Variants in KCTD3 observed in about 807,000 individuals in gnomAD.
KCTD3 encodes the protein potassium channel tetramerization domain containing 3, also known as BTB/POZ domain-containing protein KCTD3.
Under a neutral mutation model 85.8 loss-of-function variants are expected in KCTD3, and 41 were observed. The observed-to-expected ratio is 0.48, with a 90% CI of 0.37 to 0.62. KCTD3 has a LOEUF of 0.62. Ranked by LOEUF, KCTD3 falls within the 20% of genes least tolerant of loss-of-function variation. The pLI is 0.00. For missense variants in KCTD3, 724 were observed against 989.9 expected, an observed-to-expected ratio of 0.73 and a Z score of 3.60; for synonymous variants, 338 against 345.4, an observed-to-expected ratio of 0.98 and a Z score of 0.24.
At chr1:215,576,526 T>C (rs1167094043) in intron 4 of KCTD3, among the ~76,000 whole-genome samples, 3 of 151,996 alleles carry the variant, frequency 2.0e-5, no homozygotes, top group Non-Finnish European at 4.4e-5. Context: ...CAGTGAGTTA[T>C]GATCATGCCT....
At chr1:215,569,332 G>A (rs1659277054) in intron 1 of KCTD3, among the ~76,000 whole-genome samples, 9 of 151,886 alleles carry the variant, frequency 5.9e-5, no homozygotes. Flanking sequence ...CGTTGACCAG[G>A]ATGGTCTTGA....
intron 1 of KCTD3, among the ~76,000 whole-genome samples, chr1:215,571,608 G>T (rs978423526): frequency 6.6e-6 from 1 of 151,788 alleles, no homozygotes; most frequent in African/African-American, 2.4e-5. Flanking sequence ...AAAGTTGTAT[G>T]TGGGAAGAAG....
At chr1:215,569,508 G>T (rs1659283608) in intron 1 of KCTD3, among the ~76,000 whole-genome samples, 1 of 151,906 alleles carries the variant, frequency 6.6e-6, no homozygotes, top group South Asian at 2.1e-4. Context: ...TATGTGGATG[G>T]CTTAATACTG....
intron 10 of KCTD3, among the ~76,000 whole-genome samples, chr1:215,596,403 CATA>C (rs1244051219): frequency 6.6e-6 from 1 of 151,870 alleles, no homozygotes; most frequent in African/African-American, 2.4e-5. Flanking sequence ...ATTTGGAGTC[CATA>C]ATATTTATGT....
chr1:215,609,991 T>A (rs1197098963), intron 14 of KCTD3, among the ~76,000 whole-genome samples: 1 of 151,916 alleles, frequency 6.6e-6, no homozygotes, highest in Non-Finnish European at 1.5e-5. Flanking sequence ...GCATGTGTAT[T>A]GTGAATAAAA....
chr1:215,595,023 T>G (rs1024095915), intron 9 of KCTD3, among the ~76,000 whole-genome samples: 1 of 152,226 alleles, frequency 6.6e-6, no homozygotes, highest in African/African-American at 2.4e-5. Flanking sequence ...GAGTCTGGCA[T>G]GGATCCCAGG....
Position 215,567,392 on chromosome 1 carries a change from G to T in KCTD3, c.-294G>T. 4.9e-6 allele frequency: 1 copy of T among 205,328 alleles called. No individual in the cohort carries two copies. Among genetic ancestry groups the T allele is most frequent in the Non-Finnish European group, 9.6e-6 (1 of 104,022 alleles). The allele number at this position is 205,328 out of a possible 1,614,324, so 12.7% of individuals were successfully genotyped here. A position where few individuals can be genotyped will look rare whatever the true frequency, so the allele number is the denominator to read the frequency against. ...CTCCTCCCAGGCAGGCTGCGGCGGC[G>T]TCGGTGGCAGCGGAGCACGGAGAAG... On this transcript the variant is annotated 5_prime_UTR_variant, in exon 1 of 18. Coordinates refer to ENST00000259154, the MANE Select transcript of KCTD3 (RefSeq NM_016121.5).
intron 13 of KCTD3, among the ~76,000 whole-genome samples, chr1:215,607,261 A>T (rs537802227): frequency 9.0e-4 from 137 of 151,948 alleles, no homozygotes; most frequent in Non-Finnish European, 1.8e-3. Flanking sequence ...ATTTTCTAAA[A>T]TCATAAATGG....
Position 215,621,027 on chromosome 1 carries a change from T to G in KCTD3, c.*409T>G. ...CAATGTTACCTTTAAGTGAATCACA[T>G]AATTGTCTTTGGAACTTGGTCTCCC... On this transcript the variant is annotated 3_prime_UTR_variant, in exon 18 of 18. Coordinates refer to ENST00000259154, the MANE Select transcript of KCTD3 (RefSeq NM_016121.5). The G allele has an allele frequency of 5.6e-6, 1 of 178,046 alleles. No homozygotes were observed. The highest frequency in any genetic ancestry group is 1.2e-5 in the Non-Finnish European group (1 of 85,546). The allele number at this position is 178,046 out of a possible 1,614,324, so 11.0% of individuals were successfully genotyped here.
rs761861112 is a variant in KCTD3, at chr1:215,620,271, A to G, written c.2101A>G (p.Thr701Ala). Residue 701 changes from threonine to alanine, a missense_variant, in exon 18 of 18, where the codon ACA becomes GCA. Coordinates refer to ENST00000259154, the MANE Select transcript of KCTD3 (RefSeq NM_016121.5). ...GPIQAEVKGATGECNISERKS... is the reference protein window; with the variant it reads ...GPIQAEVKGAAGECNISERKS... ...AATACAAGCTGAAGTGAAAGGGGCA[A>G]CAGGGGAATGTAATATATCTGAGAG... The G allele has an allele frequency of 6.2e-7, 1 of 1,613,980 alleles. No individual in the cohort carries two copies. The highest frequency in any genetic ancestry group is 1.7e-5 in the Admixed American group (1 of 59,998).
intron 10 of KCTD3, among the ~76,000 whole-genome samples, chr1:215,600,184 G>A (rs1204272245): frequency 6.6e-6 from 1 of 152,120 alleles, no homozygotes; most frequent in Non-Finnish European, 1.5e-5. Context: ...TCAGGATAGG[G>A]CATGATGATT....
rs966757161 is a variant in KCTD3, at chr1:215,612,556, T to C, written c.1562+635T>C. Among the ~76,000 whole-genome samples, 4 of 152,210 alleles carry C rather than the reference T, an allele frequency of 2.6e-5. 1 individual carries two copies. The highest frequency in any genetic ancestry group is 2.6e-4 in the Admixed American group (4 of 15,282). On this transcript the variant is annotated intron_variant, in intron 15 of 17. Transcript: ENST00000259154. ...TGCTTCCATTATATGGCACTGGCAG[T>C]ATTCCTCTGCTTTTGTCTTCAGAAA...
chr1:215,611,199 T>G (rs1426487557), intron 14 of KCTD3, among the ~76,000 whole-genome samples: 2 of 152,044 alleles, frequency 1.3e-5, no homozygotes, highest in Non-Finnish European at 2.9e-5. Context: ...GAATCTTTCC[T>G]TTTAGATTGA....
At chr1:215,598,935 T>C (rs1325492954) in intron 10 of KCTD3, among the ~76,000 whole-genome samples, 1 of 152,198 alleles carries the variant, frequency 6.6e-6, no homozygotes, top group African/African-American at 2.4e-5. Flanking sequence ...CATGAATTTA[T>C]TGATTAAAGA....
In KCTD3 at chr1:215,579,983, T is replaced by C; in HGVS notation, c.610T>C (p.Phe204Leu). The C allele has an allele frequency of 6.2e-7, 1 of 1,608,868 alleles. No individual in the cohort carries two copies. The highest frequency in any genetic ancestry group is 8.5e-7 in the Non-Finnish European group (1 of 1,175,224). The change falls in exon 8 of 18, where the codon TTT becomes CTT. Residue 204 changes from phenylalanine (F) to leucine (L), a missense_variant. By Grantham distance (22) the Phe-to-Leu change is conservative. This residue lies in a region of KCTD3 where 106 missense variants were observed against 98.2 expected (regional missense o/e 1.08). Coordinates refer to ENST00000259154, the MANE Select transcript of KCTD3 (RefSeq NM_016121.5). ...CTGGATTGTAGCTGCATATGCCCAT[T>C]TTGCTGTGTGTTACAGGTAGTGTAT... ...HNWIVAAYAH[F>L]AVCYRIKESS...
In KCTD3 at chr1:215,614,018, G is replaced by GTT. The variant is rs577770912; in HGVS notation, c.1562+2126_1562+2127dup. Among the ~76,000 whole-genome samples, 414 of 66,268 alleles carry GTT rather than the reference G, an allele frequency of 6.2e-3. 61 individuals carry two copies. Among genetic ancestry groups the GTT allele is most frequent in the South Asian group, 0.01 (21 of 2,050 alleles). The allele number at this position is 66,268 out of a possible 152,430, so 43.5% of individuals were successfully genotyped here. On this transcript the variant is annotated intron_variant, in intron 15 of 17. Coordinates refer to ENST00000259154, the MANE Select transcript of KCTD3 (RefSeq NM_016121.5). ...TTGGTTTCATAGGAACTTTAGAATA[G>GTT]TTTTTTTTTTTTTTTTTTTTTTTTT...
intron 1 of KCTD3, 29 bp downstream of exon 1, chr1:215,567,797 G>C (rs763266488): frequency 8.9e-4 from 1,093 of 1,223,512 alleles, no homozygotes; most frequent in Non-Finnish European, 1.1e-3. Flanking sequence ...GGCTTGCAGC[G>C]GGGATGCCTT....
At chr1:215,573,238 G>T (rs1281371152) in intron 1 of KCTD3, among the ~76,000 whole-genome samples, 2 of 152,184 alleles carry the variant, frequency 1.3e-5, no homozygotes, top group Non-Finnish European at 2.9e-5. Context: ...TACAGGATTG[G>T]ATATTTAGAA....
At chr1:215,608,279 T>C in intron 14 of KCTD3, 107 bp downstream of exon 14, 1 of 699,216 alleles carries the variant, frequency 1.4e-6, no homozygotes, top group Non-Finnish European at 2.2e-6. Flanking sequence ...AAATTTTCCA[T>C]TTTAATTTTG....
Sources: allele counts gnomAD v4.1 joint callset (sites outside exome capture counted in the v4.1 genomes callset), GRCh38; gene constraint gnomAD v4.1.1; regional missense constraint gnomAD v4.1.1; transcripts MANE v1.5; gene names NCBI Gene and HGNC (gene_info 2026-07-23, HGNC 2026-07-21).